Variants in COG4 observed in about 807,000 individuals in gnomAD.
The protein encoded by COG4 is component of oligomeric golgi complex 4.
Under a neutral mutation model 95.1 loss-of-function variants are expected in COG4, and 65 were observed. The observed-to-expected ratio is 0.68, with a 90% CI of 0.56 to 0.84. The LOEUF (loss-of-function observed/expected upper bound fraction) is 0.84. Among genes scored for constraint, COG4 ranks in the 40% least tolerant of loss-of-function variants. The pLI is 0.00. For synonymous variants in COG4, 421 were observed against 374.8 expected (o/e 1.12, Z -1.42); for missense variants, 1,045 against 989.1 (o/e 1.06, Z -0.76).
intron 16 of COG4, 93 bp from the exon 17 acceptor site, chr16:70,481,958 A>T: frequency 5.8e-6 from 8 of 1,369,410 alleles, no homozygotes; most frequent in Non-Finnish European, 8.3e-6. Context: ...GCGTGAGGCC[A>T]CGGGGGAGTT....
At chr16:70,488,523 A>G (rs1319667566) in intron 13 of COG4, among the ~76,000 whole-genome samples, 1 of 151,992 alleles carries the variant, frequency 6.6e-6, no homozygotes, top group Non-Finnish European at 1.5e-5. Context: ...GGTCCCAAGT[A>G]GCTGAGACTA....
rs757906197 is a variant in COG4 at position 70,519,663 on chromosome 16, A to G, written c.240T>C (p.Thr80=). ...QQNTIESKMV[T]LHRMGPNLQL... ...CACAGACTCACCCCATTCGGTGGAGAGTGACCATCTTACTTTCAATGGTGT... is the reference window on the plus strand; with the variant it reads ...CACAGACTCACCCCATTCGGTGGAGGGTGACCATCTTACTTTCAATGGTGT... Residue 80 remains threonine (T), a synonymous_variant, in exon 2 of 19, where the codon ACT becomes ACC. Coordinates refer to ENST00000323786, the MANE Select transcript of COG4 (RefSeq NM_015386.3). The G allele has an allele frequency of 7.4e-6, 12 of 1,613,114 alleles. No individual in the cohort carries two copies. The highest frequency in any genetic ancestry group is 1.0e-5 in the Non-Finnish European group (12 of 1,179,326).
chr16:70,498,731 A>T (rs558526491), intron 9 of COG4, among the ~76,000 whole-genome samples: 1 of 152,258 alleles, frequency 6.6e-6, no homozygotes, highest in East Asian at 1.9e-4. Flanking sequence ...AGATAACAGA[A>T]TATCACAATA....
rs8057610 is a variant in COG4, at chr16:70,514,684, A to G, written c.370-175T>C. Among the ~76,000 whole-genome samples the G allele has an allele frequency of 0.57, 86,555 of 152,068 alleles. 27,860 individuals carry two copies. Among genetic ancestry groups the G allele is most frequent in the African/African-American group, 0.89 (36,837 of 41,498 alleles). The stretch of plus-strand genomic sequence containing the variant: ...TGATGATGATCAAGACCATTGACAG[A>G]TATCATACAATGTTAATAACGTGAT... On this transcript the variant is annotated intron_variant, in intron 3 of 18. Coordinates refer to ENST00000323786, the MANE Select transcript of COG4 (RefSeq NM_015386.3).
At chr16:70,509,564 T>C (rs968608029) in intron 6 of COG4, among the ~76,000 whole-genome samples, 176 bp from the exon 7 acceptor site, 20 of 152,360 alleles carry the variant, frequency 1.3e-4, no homozygotes, top group African/African-American at 4.6e-4. Context: ...ATGTTAAATA[T>C]GTACAGTGCT....
At chr16:70,510,698 G>C (rs1021591983) in intron 5 of COG4, among the ~76,000 whole-genome samples, 1 of 151,974 alleles carries the variant, frequency 6.6e-6, no homozygotes, top group African/African-American at 2.4e-5. Context: ...CTGGATTAAA[G>C]GTAGAAGCCA....
rs759348910 is a variant in COG4 at position 70,497,207 on chromosome 16, G to A, written c.1481+14C>T. ...GCCTTTCTGCCTAGAAAGGAGAAAGGGAGTCAACTGTACCTGAAGTCAGAC... is the reference window on the plus strand; with the variant it reads ...GCCTTTCTGCCTAGAAAGGAGAAAGAGAGTCAACTGTACCTGAAGTCAGAC... On this transcript the variant is annotated intron_variant, in intron 11 of 18. Coordinates refer to ENST00000323786, the MANE Select transcript of COG4 (RefSeq NM_015386.3). 8 of 1,613,744 alleles carry A rather than the reference G, an allele frequency of 5.0e-6. No individual in the cohort carries two copies. In the South Asian group the frequency reaches 8.8e-5, roughly 18 times the overall value.
intron 4 of COG4, among the ~76,000 whole-genome samples, chr16:70,513,030 G>A (rs1020218403): frequency 6.6e-6 from 1 of 152,208 alleles, no homozygotes; most frequent in Non-Finnish European, 1.5e-5. Flanking sequence ...ATCAGAAAAG[G>A]CTTCCTAGAG....
rs764730588 is a variant in COG4 at position 70,482,145 on chromosome 16, G to A, written c.1951C>T (p.Pro651Ser). Reference protein sequence around the residue: ...EEFNDYEANDPWVQQFILNLE... With the variant: ...EEFNDYEANDSWVQQFILNLE... ...TTAAGGATGAACTGTTGTACCCAAG[G>A]GTCGTTGGCCTCATAGTCATTGAAT... Residue 651 changes from proline to serine, a missense_variant, in exon 16 of 19, where the codon CCT (proline) becomes TCT (serine). By Grantham distance (74) the Pro-to-Ser change is moderately conservative. Coordinates refer to ENST00000323786, the MANE Select transcript of COG4 (RefSeq NM_015386.3). 1.9e-6 allele frequency: 3 copies of A among 1,613,982 alleles called. No individual in the cohort carries two copies. Among genetic ancestry groups the A allele is most frequent in the Non-Finnish European group, 1.7e-6 (2 of 1,179,914 alleles).
intron 12 of COG4, among the ~76,000 whole-genome samples, chr16:70,492,951 G>A (rs188618447): frequency 1.4e-4 from 21 of 151,908 alleles, no homozygotes; most frequent in Non-Finnish European, 2.8e-4. Flanking sequence ...CAACAAGAAC[G>A]AAACTCCATC....
chr16:70,489,543 GT>G (rs371131071), intron 13 of COG4, among the ~76,000 whole-genome samples: 106 of 137,944 alleles, frequency 7.7e-4, no homozygotes, highest in African/African-American at 1.8e-3. Flanking sequence ...AAAAAAAAAA[GT>G]TTTTTTTTTT....
At chr16:70,502,754 G>T (rs1444498163) in intron 8 of COG4, among the ~76,000 whole-genome samples, 1 of 152,132 alleles carries the variant, frequency 6.6e-6, no homozygotes, top group Non-Finnish European at 1.5e-5. Context: ...AAAATACAAA[G>T]TTGGAGGAAT....
chr16:70,481,748 G>T lies in COG4; in HGVS notation c.2106+16C>A, dbSNP rs747721012. ...GGAGAAACGAGAGCCGCAGACCCAT[G>T]ACCCCTTTACCTTACCCGGTTAAAG... On this transcript the variant is annotated intron_variant, in intron 17 of 18. Coordinates refer to ENST00000323786, the MANE Select transcript of COG4 (RefSeq NM_015386.3). 6.2e-7 allele frequency: 1 copy of T among 1,603,046 alleles called. No homozygotes were observed. The highest frequency in any genetic ancestry group is 8.5e-7 in the Non-Finnish European group (1 of 1,170,200).
In COG4 at chr16:70,481,846, A is replaced by G. The variant is rs1415779842; in HGVS notation, c.2024T>C (p.Ile675Thr). Residue 675 changes from isoleucine (I) to threonine (T), a missense_variant, in exon 17 of 19, where the codon ATC becomes ACC. Physicochemically the swap from Ile to Thr is moderately conservative, Grantham distance 89 (BLOSUM62 -1). Coordinates refer to ENST00000323786, the MANE Select transcript of COG4 (RefSeq NM_015386.3). ...AEFKASLSPV[I>T]YDSLTGLMTS... Reference sequence around the variant, plus strand: ...CATGAGGCCGGTTAGGCTGTCGTAGATGACCGGGGACAGGCTGGCCTGCAC... The same window carrying G: ...CATGAGGCCGGTTAGGCTGTCGTAGGTGACCGGGGACAGGCTGGCCTGCAC... 3.1e-6 allele frequency: 5 copies of G among 1,613,742 alleles called. No homozygotes were observed. Among genetic ancestry groups the G allele is most frequent in the Admixed American group, 1.7e-5 (1 of 59,986 alleles).
At chr16:70,503,853 C>G (rs1457288588) in intron 8 of COG4, among the ~76,000 whole-genome samples, 2 of 122,854 alleles carry the variant, frequency 1.6e-5, no homozygotes, top group Non-Finnish European at 3.0e-5. Context: ...CTCGGCCTCC[C>G]AAAGTGCTGG....
At chr16:70,510,090 T>C in intron 5 of COG4, 69 bp from the exon 6 acceptor site, 1 of 1,294,706 alleles carries the variant, frequency 7.7e-7, no homozygotes, top group Non-Finnish European at 1.1e-6. Flanking sequence ...ATCTCAGTTT[T>C]CCAAAAATCC....
chr16:70,515,700 C>A (rs370719491), intron 3 of COG4, among the ~76,000 whole-genome samples: 1 of 151,948 alleles, frequency 6.6e-6, no homozygotes, highest in Admixed American at 6.6e-5. Flanking sequence ...ATCAATCAAT[C>A]AATCAATAAA....
chr16:70,487,365 G>C (rs996036985), intron 13 of COG4, among the ~76,000 whole-genome samples: 6 of 152,048 alleles, frequency 3.9e-5, no homozygotes, highest in Admixed American at 6.6e-5. Context: ...GGGATGCCAA[G>C]GCGGGTGGAT....
intron 7 of COG4, chr16:70,509,018 T>C: frequency 1.6e-6 from 1 of 628,820 alleles, no homozygotes; most frequent in Non-Finnish European, 2.8e-6. Flanking sequence ...TTTATTTCCG[T>C]TTTGGTCTTG....
Sources: allele counts gnomAD v4.1 joint callset (sites outside exome capture counted in the v4.1 genomes callset), GRCh38; gene constraint gnomAD v4.1.1; transcripts MANE v1.5; gene names NCBI Gene and HGNC (gene_info 2026-07-23, HGNC 2026-07-21).